Variants in POU6F2 observed in about 807,000 individuals in gnomAD.
The protein encoded by POU6F2 is POU class 6 homeobox 2.
A neutral mutation model predicts 71.3 loss-of-function variants in POU6F2; 31 were observed. The ratio of observed to expected loss-of-function variants is 0.43; its 90% CI spans 0.33 to 0.59. The LOEUF (loss-of-function observed/expected upper bound fraction) is 0.59, where lower values mean the gene tolerates loss of function less well. Ranked by LOEUF, POU6F2 falls within the 20% of genes least tolerant of loss-of-function variation. The pLI, the probability that POU6F2 is intolerant of heterozygous loss-of-function variation, is 0.04. For missense variants in POU6F2, 783 were observed against 856.8 expected, an observed-to-expected ratio of 0.91 and a Z score of 1.07; for synonymous variants, 347 against 355.7, an observed-to-expected ratio of 0.98 and a Z score of 0.27.
At chr7:39,024,545 G>T (rs9719863) in intron 1 of POU6F2, among the ~76,000 whole-genome samples, 32,456 of 151,930 alleles carry the variant, frequency 0.21, 3,677 homozygotes, top group South Asian at 0.37. Flanking sequence ...ACTCTATGTC[G>T]AATAGGAGTG....
intron 1 of POU6F2, among the ~76,000 whole-genome samples, chr7:38,988,065 T>G (rs1170295990): frequency 6.6e-6 from 1 of 152,126 alleles, no homozygotes; most frequent in African/African-American, 2.4e-5. Flanking sequence ...ATGATCTTCT[T>G]TGAACCCCAC....
Position 39,460,442 on chromosome 7 carries a change from C to T in POU6F2, c.1490-105C>T. 7.5e-7 allele frequency: 1 copy of T among 1,336,702 alleles called. No individual in the cohort carries two copies. The highest frequency in any genetic ancestry group is 1.0e-6 in the Non-Finnish European group (1 of 967,076). 82.8% of individuals were successfully genotyped at this position (1,336,702 alleles called of 1,614,324 possible). On this transcript the variant is annotated intron_variant, in intron 8 of 9. Transcript: ENST00000518318. The surrounding 1 kb of genome is among the most constrained non-coding windows in gnomAD (Gnocchi z 4.4). Reference sequence around the variant, plus strand: ...ACATTCTCTGAGGTTGGTTTCCTCACTGCTCTGCTGTTAAAGAGAGCCACT... The same window carrying T: ...ACATTCTCTGAGGTTGGTTTCCTCATTGCTCTGCTGTTAAAGAGAGCCACT...
At chr7:39,353,095 C>A (rs1225123614) in intron 5 of POU6F2, among the ~76,000 whole-genome samples, 1 of 152,362 alleles carries the variant, frequency 6.6e-6, no homozygotes, top group East Asian at 1.9e-4. Flanking sequence ...GCATTTCCTG[C>A]AAGGAGGCAG....
chr7:39,288,013 G>A (rs1016333549), intron 4 of POU6F2, among the ~76,000 whole-genome samples: 8 of 152,160 alleles, frequency 5.3e-5, no homozygotes, highest in South Asian at 2.1e-4. Flanking sequence ...GGCATGTAAA[G>A]GGTAAATGGG....
Position 39,204,330 on chromosome 7 carries a change from A to G in POU6F2, c.369+4A>G, listed in dbSNP as rs149413564. The G allele has an allele frequency of 5.0e-6, 8 of 1,609,012 alleles. No individual in the cohort carries two copies. The African/African-American group carries it at 6.7e-5, about 13-fold the overall frequency. Reference sequence around the variant, plus strand: ...CCCATTTCCAGTTGGGCCACAGGTCAGTATCTCTCAACTGCTTTCCACTGG... The same window carrying G: ...CCCATTTCCAGTTGGGCCACAGGTCGGTATCTCTCAACTGCTTTCCACTGG... On this transcript the variant is annotated splice_donor_region_variant and intron_variant, in intron 3 of 9. Transcript: ENST00000518318.
chr7:39,045,996 T>C (rs1166041685), intron 1 of POU6F2, among the ~76,000 whole-genome samples: 1 of 151,930 alleles, frequency 6.6e-6, no homozygotes, highest in Non-Finnish European at 1.5e-5. Context: ...GTGGGTCATA[T>C]TGATATGTTT....
At chr7:39,419,452 C>A (rs1787800337) in intron 6 of POU6F2, among the ~76,000 whole-genome samples, 1 of 152,000 alleles carries the variant, frequency 6.6e-6, no homozygotes, top group Non-Finnish European at 1.5e-5. Context: ...GTTGTCTAGG[C>A]TGGTCCCAAA....
intron 1 of POU6F2, among the ~76,000 whole-genome samples, chr7:39,075,108 G>C (rs887667235): frequency 6.6e-6 from 1 of 152,158 alleles, no homozygotes; most frequent in Admixed American, 6.5e-5. Flanking sequence ...GCCACAGACT[G>C]TCTGTTATAG....
intron 2 of POU6F2, among the ~76,000 whole-genome samples, chr7:39,164,955 A>G (rs1419151831): frequency 1.3e-5 from 2 of 152,130 alleles, no homozygotes; most frequent in Non-Finnish European, 2.9e-5. Context: ...CCTATTCATT[A>G]ATATTAGCAT....
At chr7:39,436,366 T>A (rs1788242630) in intron 7 of POU6F2, among the ~76,000 whole-genome samples, 2 of 152,136 alleles carry the variant, frequency 1.3e-5, no homozygotes, top group Non-Finnish European at 2.9e-5. Flanking sequence ...TTCCTAGGTA[T>A]TTTATTCTCT....
rs60966672 is a variant in POU6F2 at position 39,333,337 on chromosome 7, A to C, written c.599-6305A>C. ...TGAATTCCCCTAATTTCCAAAACAAAAGGCACTAAAGAACACTGGGTGATT... is the reference window on the plus strand; with the variant it reads ...TGAATTCCCCTAATTTCCAAAACAACAGGCACTAAAGAACACTGGGTGATT... On this transcript the variant is annotated intron_variant, in intron 4 of 9. Transcript: ENST00000518318. Among the ~76,000 whole-genome samples, 1,183 of 152,302 alleles carry C rather than the reference A, an allele frequency of 7.8e-3. 8 individuals are homozygous for C. Among genetic ancestry groups the C allele is most frequent in the African/African-American group, 0.027 (1,126 of 41,570 alleles).
chr7:39,036,047 C>T (rs1032765095), intron 1 of POU6F2, among the ~76,000 whole-genome samples: 4 of 151,958 alleles, frequency 2.6e-5, no homozygotes, highest in Non-Finnish European at 5.9e-5. Flanking sequence ...ATGAGGCGTG[C>T]GGGAGAGGAG....
chr7:39,334,862 A>G (rs1785733313), intron 4 of POU6F2, among the ~76,000 whole-genome samples: 1 of 152,256 alleles, frequency 6.6e-6, no homozygotes, highest in Admixed American at 6.5e-5. Flanking sequence ...GGCAAAGGCT[A>G]CATCAGGGAA....
chr7:39,201,511 T>C (rs1182889834), intron 2 of POU6F2, among the ~76,000 whole-genome samples: 1 of 152,226 alleles, frequency 6.6e-6, no homozygotes, highest in African/African-American at 2.4e-5. Context: ...GAAATGTGAA[T>C]GAAATGACAG....
At chr7:39,342,320 C>T (rs1410857605) in intron 5 of POU6F2, among the ~76,000 whole-genome samples, 1 of 152,064 alleles carries the variant, frequency 6.6e-6, no homozygotes, top group African/African-American at 2.4e-5. Context: ...GTTTGTGGAA[C>T]ATGGAATGTT....
intron 2 of POU6F2, among the ~76,000 whole-genome samples, chr7:39,185,845 GTATATGTATGTGTA>G (rs1052181963): frequency 1.5e-5 from 1 of 66,572 alleles, no homozygotes. Context: ...ATATGTATAT[GTATATGTATGTGTA>G]TATATGTATA....
chr7:39,083,143 G>C (rs1369897893), intron 1 of POU6F2, among the ~76,000 whole-genome samples: 1 of 152,140 alleles, frequency 6.6e-6, no homozygotes, highest in Non-Finnish European at 1.5e-5. Flanking sequence ...TGTGATTCGG[G>C]ATTCAGTTTG....
intron 4 of POU6F2, among the ~76,000 whole-genome samples, chr7:39,238,547 G>A (rs761264827): frequency 7.9e-5 from 12 of 152,282 alleles, no homozygotes; most frequent in Non-Finnish European, 1.3e-4. Context: ...TATGTGGCTC[G>A]CAAAACCAAA....
intron 5 of POU6F2, among the ~76,000 whole-genome samples, chr7:39,346,304 A>C (rs1427047632): frequency 6.6e-6 from 1 of 152,204 alleles, no homozygotes; most frequent in East Asian, 1.9e-4. Flanking sequence ...GATTAGTCAA[A>C]TCATGTAGAA....
Sources: gnomAD v4.1 joint callset for allele counts (sites outside exome capture counted in the v4.1 genomes callset) on GRCh38, gnomAD v4.1.1 for gene constraint, Gnocchi (gnomAD v3.1) non-coding constraint, MANE v1.5 for transcripts, NCBI Gene and HGNC (gene_info 2026-07-23, HGNC 2026-07-21) for gene names.